HSPA12A: variants seen among roughly 807,000 people sequenced by gnomAD.
HSPA12A encodes heat shock 70 kDa protein 12A.
HSPA12A carries 28 observed loss-of-function variants against 69.2 expected under a neutral mutation model. The observed-to-expected ratio is 0.40, with a 90% CI of 0.30 to 0.55. The LOEUF (loss-of-function observed/expected upper bound fraction) is 0.55, where lower values mean the gene tolerates loss of function less well. Ranked by LOEUF, HSPA12A falls within the 20% of genes least tolerant of loss-of-function variation. The pLI, the probability that HSPA12A is intolerant of heterozygous loss-of-function variation, is 0.38. For missense variants in HSPA12A, 686 were observed against 900.7 expected (o/e 0.76, Z 3.05); for synonymous variants, 345 against 370.5 (o/e 0.93, Z 0.79).
chr10:116,728,029 C>T (rs1182154082), intron 1 of HSPA12A, among the ~76,000 whole-genome samples: 2 of 151,992 alleles, frequency 1.3e-5, no homozygotes, highest in Non-Finnish European at 1.5e-5. Flanking sequence ...AGGCTGGTCT[C>T]GAACTCCTGA....
chr10:116,785,470 C>A (rs1369642036), intron 2 of HSPA12A, among the ~76,000 whole-genome samples: 2 of 152,112 alleles, frequency 1.3e-5, no homozygotes, highest in Admixed American at 1.3e-4. Flanking sequence ...CAGAAATGTT[C>A]TTGCCTGACC....
chr10:116,680,374 C>A (rs1266695128), intron 9 of HSPA12A, among the ~76,000 whole-genome samples: 2 of 152,180 alleles, frequency 1.3e-5, no homozygotes, highest in Admixed American at 6.5e-5. Flanking sequence ...CAATCCAAGA[C>A]ATCCAAGGGC....
At chr10:116,676,880 C>T (rs1271138370) in intron 10 of HSPA12A, among the ~76,000 whole-genome samples, 1 of 152,208 alleles carries the variant, frequency 6.6e-6, no homozygotes, top group Non-Finnish European at 1.5e-5. Context: ...TATTGTACTG[C>T]TACTTACGGC....
At chr10:116,769,758 G>T (rs187524389) in intron 2 of HSPA12A, among the ~76,000 whole-genome samples, 1 of 152,188 alleles carries the variant, frequency 6.6e-6, no homozygotes, top group Non-Finnish European at 1.5e-5. Flanking sequence ...ACGAAGCAGC[G>T]CTCCAAAGAC....
At chr10:116,849,633 G>A (rs1845994549) in exon 1 of HSPA12A, 1 of 1,550,186 alleles carries the variant, frequency 6.5e-7, no homozygotes, top group African/African-American at 1.4e-5. Context: ...GAAGCAGCAG[G>A]CGATGGAGTA....
intron 3 of HSPA12A, 115 bp from the exon 4 acceptor site, chr10:116,701,244 C>T: frequency 2.2e-6 from 2 of 922,990 alleles, no homozygotes; most frequent in South Asian, 3.3e-5. Context: ...TGCCCAGAGG[C>T]ACTCTGCTTC....
intron 2 of HSPA12A, among the ~76,000 whole-genome samples, chr10:116,833,960 T>C (rs1313633507): frequency 6.6e-6 from 1 of 152,256 alleles, no homozygotes; most frequent in Non-Finnish European, 1.5e-5. Flanking sequence ...GGATTGCTAA[T>C]GGCCTCCCAG....
Position 116,777,794 on chromosome 10 carries a change from C to T in HSPA12A, c.91+57141G>A, listed in dbSNP as rs1168385107. Reference sequence around the variant, plus strand: ...CCAGGCTGGAGTACAGTGGCGCAATCTCAGCTCACTGCAATCTCCACCTCC... The same window carrying T: ...CCAGGCTGGAGTACAGTGGCGCAATTTCAGCTCACTGCAATCTCCACCTCC... On this transcript the variant is annotated intron_variant, in intron 2 of 12. Coordinates refer to the HSPA12A transcript ENST00000635765. Among the ~76,000 whole-genome samples the T allele has an allele frequency of 2.6e-5, 4 of 152,252 alleles. No individual in the cohort carries two copies. The East Asian group carries it at 7.7e-4, about 29-fold the overall frequency.
Position 116,698,690 on chromosome 10 carries a change from T to G in HSPA12A, c.491A>C (p.Lys164Thr). ...DLTAANGKKV[K>T]ALEIFAYALQ... ...GGCATAAGCAAAGATTTCAAGGGCT[T>G]TGACTTTCTTGCCATTTGCTGCCGT... Residue 164 changes from lysine (K) to threonine (T), a missense_variant, in exon 5 of 12, where the codon AAA becomes ACA. By Grantham distance (78) the Lys-to-Thr change is moderately conservative. Transcript: ENST00000369209. The G allele has an allele frequency of 6.2e-7, 1 of 1,614,142 alleles. No individual in the cohort carries two copies. The highest frequency in any genetic ancestry group is 8.5e-7 in the Non-Finnish European group (1 of 1,179,972).
intron 1 of HSPA12A, among the ~76,000 whole-genome samples, chr10:116,737,637 A>G (rs2133060289): frequency 6.6e-6 from 1 of 152,342 alleles, no homozygotes; most frequent in Admixed American, 6.5e-5. Context: ...ACCAGGACAT[A>G]TGGCCACCCT....
At chr10:116,834,567 A>G (rs762486432) in intron 2 of HSPA12A, among the ~76,000 whole-genome samples, 53 of 152,308 alleles carry the variant, frequency 3.5e-4, no homozygotes, top group Non-Finnish European at 6.8e-4. Context: ...GGGCCCTCAC[A>G]GAGCCAATCT....
intron 2 of HSPA12A, among the ~76,000 whole-genome samples, chr10:116,760,652 A>G (rs1276908152): frequency 6.6e-6 from 1 of 152,124 alleles, no homozygotes; most frequent in Non-Finnish European, 1.5e-5. Context: ...TCACTTCTCA[A>G]CACCTCAGTT....
intron 2 of HSPA12A, among the ~76,000 whole-genome samples, chr10:116,824,025 C>T (rs1161017321): frequency 6.6e-6 from 1 of 152,056 alleles, no homozygotes; most frequent in African/African-American, 2.4e-5. Flanking sequence ...GGAGTTATAT[C>T]TAAAATATAT....
chr10:116,843,492 A>G (rs147599835), intron 1 of HSPA12A, among the ~76,000 whole-genome samples: 12 of 152,340 alleles, frequency 7.9e-5, no homozygotes, highest in African/African-American at 2.4e-4. Flanking sequence ...GTCATTTCCT[A>G]GCAATTCTAT....
At position 116,764,455 on chromosome 10, in the gene HSPA12A, T is replaced by C. The variant is rs189566858; in HGVS notation, c.92-57170A>G. On this transcript the variant is annotated intron_variant, in intron 2 of 12. Transcript: ENST00000635765. ...ACATGGAGCAATTTCTAGGACATGT[T>C]AAGAAAAACAAGCAAAATACAAAAG... is the stretch of plus-strand genomic sequence containing the variant. Among the ~76,000 whole-genome samples the C allele has an allele frequency of 3.9e-3, 592 of 152,270 alleles. 1 individual carries two copies. The highest frequency in any genetic ancestry group is 8.7e-3 in the South Asian group (42 of 4,818).
At chr10:116,685,725 A>G (rs1259242892) in intron 6 of HSPA12A, among the ~76,000 whole-genome samples, 11 of 152,016 alleles carry the variant, frequency 7.2e-5, no homozygotes, top group African/African-American at 2.7e-4. Context: ...AGGGTGGCCC[A>G]CTGTCCCAGT....
chr10:116,732,239 A>G (rs1468816532), intron 1 of HSPA12A, among the ~76,000 whole-genome samples: 2 of 151,642 alleles, frequency 1.3e-5, no homozygotes, highest in Admixed American at 6.6e-5. Flanking sequence ...CTGAGACAGG[A>G]GAATCGTTTG....
chr10:116,750,300 G>T, intron 2 of HSPA12A: 2 of 789,858 alleles, frequency 2.5e-6, no homozygotes, highest in South Asian at 2.7e-5. Flanking sequence ...AATGTAGAAA[G>T]CACTTATGGT....
chr10:116,835,114 G>GT (rs1360090114), intron 1 of HSPA12A: 1 of 733,010 alleles, frequency 1.4e-6, no homozygotes, highest in East Asian at 3.8e-5. Flanking sequence ...TTGACGGTTT[G>GT]TAAGAGGCAG....
Sources: gnomAD v4.1 joint callset for allele counts (sites outside exome capture counted in the v4.1 genomes callset) on GRCh38, gnomAD v4.1.1 for gene constraint, MANE v1.5 for transcripts, NCBI Gene and HGNC (gene_info 2026-07-23, HGNC 2026-07-21) for gene names.